MEF2B: variants seen among roughly 807,000 people sequenced by gnomAD.
The protein encoded by MEF2B is myocyte enhancer factor 2B, also known as myocyte-specific enhancer factor 2B.
A neutral mutation model predicts 32.2 loss-of-function variants in MEF2B; 15 were observed. The observed-to-expected ratio is 0.47, with a 90% CI of 0.31 to 0.72. MEF2B has a LOEUF of 0.72. Ranked by LOEUF, MEF2B falls within the 30% of genes least tolerant of loss-of-function variation. The probability of loss-of-function intolerance (pLI) is 0.05; values close to 1 mark genes in which losing one functional copy is unlikely to be tolerated. For missense variants in MEF2B, 441 were observed against 511.5 expected (o/e 0.86, Z 1.33); for synonymous variants, 205 against 225.6 (o/e 0.91, Z 0.82).
chr19:19,157,914 T>G (rs2060131068), intron 1 of MEF2B, among the ~76,000 whole-genome samples: 1 of 152,100 alleles, frequency 6.6e-6, no homozygotes, highest in Admixed American at 6.6e-5. Flanking sequence ...TTGGTCACCC[T>G]GGGCAGAAGC....
intron 3 of MEF2B, among the ~76,000 whole-genome samples, chr19:19,148,138 C>A (rs2060042974): frequency 6.6e-6 from 1 of 152,274 alleles, no homozygotes; most frequent in African/African-American, 2.4e-5. Context: ...TCCATTCTGC[C>A]CCCACTTGCA....
chr19:19,145,971 C>T lies in MEF2B; in HGVS notation c.933G>A (p.Pro311=), dbSNP rs1047754097. The change falls in exon 9 of 9, where the codon CCG becomes CCA. Residue 311 remains proline, a synonymous_variant. Coordinates refer to ENST00000424583, the MANE Select transcript of MEF2B (RefSeq NM_001145785.2). The surrounding 1 kb of genome is among the most constrained non-coding windows in gnomAD (Gnocchi z 4.6). Reference sequence around the variant, plus strand: ...ACTTGATGCTGACTGGGGGGGTCGGCGGGGAGGCGCCGCGGGTTGGGGGAC... The same window carrying T: ...ACTTGATGCTGACTGGGGGGGTCGGTGGGGAGGCGCCGCGGGTTGGGGGAC... ...EEGPPTRGAS[P]PTPPVSIKSE... 4.2e-6 allele frequency: 6 copies of T among 1,428,132 alleles called. No individual in the cohort carries two copies. In the Admixed American group the frequency reaches 9.3e-5, roughly 22 times the overall value. The allele number at this position is 1,428,132 out of a possible 1,614,324, so 88.5% of individuals were successfully genotyped here. A position where few individuals can be genotyped will look rare whatever the true frequency, so the allele number is the denominator to read the frequency against.
At position 19,147,217 on chromosome 19, in the gene MEF2B, C is replaced by T. The variant is rs772117971; in HGVS notation, c.394-34G>A. ...AGAGAAGGGATGGGTCAGAGGACCC[C>T]AGGCCAGATGGGGGTGCCAAGTCCA... is the stretch of plus-strand genomic sequence containing the variant. On this transcript the variant is annotated intron_variant, in intron 4 of 8. Coordinates refer to ENST00000424583, the MANE Select transcript of MEF2B (RefSeq NM_001145785.2). 9.8e-6 allele frequency: 7 copies of T among 711,862 alleles called. 1 individual carries two copies. In the South Asian group the frequency reaches 1.1e-4, roughly 12 times the overall value. 44.1% of individuals were successfully genotyped at this position (711,862 alleles called of 1,614,324 possible).
intron 1 of MEF2B, among the ~76,000 whole-genome samples, chr19:19,158,630 T>C (rs2060137397): frequency 6.8e-6 from 1 of 147,612 alleles, no homozygotes; most frequent in African/African-American, 2.5e-5. Context: ...TGTGGTGGCA[T>C]GCCTGTGGTC....
At chr19:19,159,411 AC>A (rs1452891890) in intron 1 of MEF2B, among the ~76,000 whole-genome samples, 3 of 151,828 alleles carry the variant, frequency 2.0e-5, no homozygotes, top group Non-Finnish European at 2.9e-5. Context: ...ACAGAGTAAG[AC>A]CCTGTCTCTA....
intron 1 of MEF2B, among the ~76,000 whole-genome samples, chr19:19,151,607 C>T (rs750666351): frequency 6.6e-6 from 1 of 152,196 alleles, no homozygotes; most frequent in Non-Finnish European, 1.5e-5. Flanking sequence ...TGTGACCACA[C>T]TCCACCTCCC....
chr19:19,159,828 G>C (rs1474950429), intron 1 of MEF2B, among the ~76,000 whole-genome samples: 1 of 152,062 alleles, frequency 6.6e-6, no homozygotes, highest in Non-Finnish European at 1.5e-5. Flanking sequence ...TGGGGTGCTG[G>C]AGGGAATCCC....
chr19:19,168,404 G>A (rs1044042037), intron 1 of MEF2B, among the ~76,000 whole-genome samples: 13 of 150,750 alleles, frequency 8.6e-5, no homozygotes, highest in African/African-American at 3.2e-4. Context: ...CTCCTGAGTC[G>A]CTGGGATTAC....
intron 1 of MEF2B, among the ~76,000 whole-genome samples, chr19:19,161,024 C>T (rs140790107): frequency 0.01 from 1,589 of 152,200 alleles, 26 homozygotes; most frequent in African/African-American, 0.036. Context: ...ACGGTGGGCT[C>T]GGGCAGTGAC....
At chr19:19,150,874 G>T in intron 1 of MEF2B, 110 bp from the exon 2 acceptor site, 1 of 1,351,718 alleles carries the variant, frequency 7.4e-7, no homozygotes, top group Non-Finnish European at 1.0e-6. Context: ...AGAGGAAGAT[G>T]ATGGGGAAAA....
chr19:19,148,689 T>C (rs931203725), intron 3 of MEF2B, among the ~76,000 whole-genome samples: 2 of 142,976 alleles, frequency 1.4e-5, no homozygotes, highest in African/African-American at 5.5e-5. Context: ...TCTTATTTAT[T>C]TATTTATTTA....
chr19:19,147,701 C>A lies in MEF2B; in HGVS notation c.390G>T (p.Leu130=), dbSNP rs774077602. 4 of 1,613,130 alleles carry A rather than the reference C, an allele frequency of 2.5e-6. No homozygotes were observed. Among genetic ancestry groups the A allele is most frequent in the Non-Finnish European group, 3.4e-6 (4 of 1,179,442 alleles). Residue 130 remains leucine, a synonymous_variant, in exon 4 of 9, where the codon CTG becomes CTT. Coordinates refer to ENST00000424583, the MANE Select transcript of MEF2B (RefSeq NM_001145785.2). ...GGDPALPRPR[L]YPAAPAMPSP... ...ACAGGGCCAGGGAGTCACTTACATA[C>A]AGCCGGGGTCGGGGCAAGGCCGGAT...
At chr19:19,150,906 T>A in intron 1 of MEF2B, 142 bp from the exon 2 acceptor site, 1 of 1,011,090 alleles carries the variant, frequency 9.9e-7, no homozygotes, top group Non-Finnish European at 1.5e-6. Context: ...TGGGTCACTG[T>A]CGCAGACCCC....
chr19:19,150,339 C>T (rs1270572546), intron 2 of MEF2B, among the ~76,000 whole-genome samples: 1 of 151,640 alleles, frequency 6.6e-6, no homozygotes, highest in Non-Finnish European at 1.5e-5. Context: ...ACTAGCCTGG[C>T]CCACATGGTG....
intron 1 of MEF2B, among the ~76,000 whole-genome samples, chr19:19,167,349 T>TCA (rs2060216902): frequency 4.0e-5 from 2 of 49,704 alleles, no homozygotes; most frequent in Non-Finnish European, 9.3e-5. Flanking sequence ...AGACTCTGTC[T>TCA]CAAAAAAAAA....
chr19:19,163,913 C>A (rs2283618), intron 1 of MEF2B, among the ~76,000 whole-genome samples: 1 of 152,028 alleles, frequency 6.6e-6, no homozygotes, highest in African/African-American at 2.4e-5. Context: ...AAGCAATCTG[C>A]CTGCCTTGGC....
intron 3 of MEF2B, 60 bp downstream of exon 3, chr19:19,149,166 G>A: frequency 6.3e-7 from 1 of 1,592,578 alleles, no homozygotes; most frequent in South Asian, 1.1e-5. Flanking sequence ...AGAGTCCCTG[G>A]GCTCTGAGAA....
chr19:19,156,568 C>G (rs1568550710), intron 1 of MEF2B, among the ~76,000 whole-genome samples: 1 of 152,244 alleles, frequency 6.6e-6, no homozygotes, highest in Non-Finnish European at 1.5e-5. Context: ...GGTTTTACAG[C>G]TATTTTCTCA....
In MEF2B at chr19:19,146,770, GC is replaced by G. The variant is rs748964305; in HGVS notation, c.646del (p.Ala216LeufsTer7). The G allele has an allele frequency of 6.2e-7, 1 of 1,614,066 alleles. No individual in the cohort carries two copies. The highest frequency in any genetic ancestry group is 1.1e-5 in the South Asian group (1 of 91,084). The part of the protein sequence containing the change: ...GRRSDLPGGL[A>X]GPRGGLNTSR... ...GGTGTTTAGTCCCCCTCGGGGCCCAGCCAGGCCACCAGGCAGGTCTGACCTC... is the reference window on the plus strand; with the variant it reads ...GGTGTTTAGTCCCCCTCGGGGCCCAGCAGGCCACCAGGCAGGTCTGACCTC... On this transcript the variant is annotated frameshift_variant, in exon 6 of 9. Coordinates refer to ENST00000424583, the MANE Select transcript of MEF2B (RefSeq NM_001145785.2). LOFTEE classifies it high-confidence loss of function.
Sources: allele counts gnomAD v4.1 joint callset (sites outside exome capture counted in the v4.1 genomes callset), GRCh38; gene constraint gnomAD v4.1.1; non-coding constraint Gnocchi (gnomAD v3.1); transcripts MANE v1.5; gene names NCBI Gene and HGNC (gene_info 2026-07-23, HGNC 2026-07-21).